Variants in RAD51AP2 observed in about 807,000 individuals in gnomAD.
RAD51AP2 encodes RAD51-associated protein 2.
A neutral mutation model predicts 85.5 loss-of-function variants in RAD51AP2; 67 were observed. The ratio of observed to expected loss-of-function variants is 0.78; its 90% CI spans 0.64 to 0.96. The LOEUF (loss-of-function observed/expected upper bound fraction) is 0.96, where lower values mean the gene tolerates loss of function less well. Ranked by LOEUF, RAD51AP2 falls within the 40% of genes least tolerant of loss-of-function variation. The pLI is 0.00. For missense variants in RAD51AP2, 1,307 were observed against 1,332.4 expected (o/e 0.98, Z 0.30); for synonymous variants, 474 against 446.5 (o/e 1.06, Z -0.78).
the RAD51AP2 span, among the ~76,000 whole-genome samples, chr2:17,525,451 G>A: frequency 1.3e-5 from 2 of 152,002 alleles, no homozygotes; most frequent in Non-Finnish European, 2.9e-5. Flanking sequence ...GCATTAGTGC[G>A]TACTGCAATG....
chr2:17,531,358 T>C, the RAD51AP2 span, among the ~76,000 whole-genome samples: 1 of 152,134 alleles, frequency 6.6e-6, no homozygotes. Context: ...TATTAAATAA[T>C]GTTATTTAGT....
Position 17,517,905 on chromosome 2 carries a change from T to C in RAD51AP2, c.511A>G (p.Arg171Gly), listed in dbSNP as rs1662743505. ...STSIHDIHGIRNENRKQQFVQ... is the reference protein window; with the variant it reads ...STSIHDIHGIGNENRKQQFVQ... ...AACTGTTGTTTTCGATTCTCATTTC[T>C]AATTCCATGTATATCGTGTATAGAG... The change falls in exon 1 of 3, where the codon AGA (arginine) becomes GGA (glycine). Residue 171 changes from arginine (R) to glycine (G), a missense_variant. Arg to Gly is a moderately radical substitution (Grantham distance 125). Around this residue, in one of 3 missense-constraint regions of RAD51AP2, gnomAD observed 635 missense variants for 643.6 expected, o/e 0.99. Transcript: ENST00000399080. 6.2e-7 allele frequency: 1 copy of C among 1,614,198 alleles called. No individual in the cohort carries two copies. Among genetic ancestry groups the C allele is most frequent in the Non-Finnish European group, 8.5e-7 (1 of 1,180,032 alleles).
Position 17,515,266 on chromosome 2 carries a change from C to T in RAD51AP2, c.3150G>A (p.Trp1050Ter). 1.2e-6 allele frequency: 2 copies of T among 1,613,470 alleles called. No individual in the cohort carries two copies. The highest frequency in any genetic ancestry group is 1.7e-6 in the Non-Finnish European group (2 of 1,179,614). The stretch of plus-strand genomic sequence containing the variant: ...GTTCTCCATTATTGGGTACAGTTTT[C>T]CATTTAAATAAACTTTGGTGACTTT... ...MGKSHQSLFK[W>*]KTVPNNGEQE... The change falls in exon 1 of 3, where the codon TGG becomes TGA. Residue 1050 changes from tryptophan (W) to a stop codon, truncating the protein, a stop_gained. Coordinates refer to ENST00000399080, the MANE Select transcript of RAD51AP2 (RefSeq NM_001099218.3). LOFTEE classifies it high-confidence loss of function.
intron 1 of RAD51AP2, 50 bp from the exon 2 acceptor site, chr2:17,514,142 ATATT>A: frequency 1.0e-6 from 1 of 979,668 alleles, no homozygotes; most frequent in Non-Finnish European, 1.6e-6. Flanking sequence ...TTTATATAAA[ATATT>A]AATGGTATAA....
the RAD51AP2 span, among the ~76,000 whole-genome samples, chr2:17,530,482 G>A: frequency 1.3e-5 from 2 of 150,232 alleles, no homozygotes; most frequent in African/African-American, 4.9e-5. Flanking sequence ...TCGGGAGGCT[G>A]AGGTGGGAAG....
the RAD51AP2 span, among the ~76,000 whole-genome samples, chr2:17,535,446 C>T: frequency 3.9e-5 from 6 of 152,024 alleles, no homozygotes; most frequent in Non-Finnish European, 7.4e-5. Context: ...AAGGAAGTGA[C>T]GCGATTTTAC....
chr2:17,515,102 G>T, intron 1 of RAD51AP2, 67 bp downstream of exon 1: 2 of 1,237,248 alleles, frequency 1.6e-6, no homozygotes, highest in Non-Finnish European at 2.2e-6. Flanking sequence ...TTATACATTT[G>T]GCCTACACAG....
upstream of RAD51AP2, among the ~76,000 whole-genome samples, chr2:17,520,590 TA>T (rs1662837503): frequency 6.6e-6 from 1 of 152,112 alleles, no homozygotes; most frequent in South Asian, 2.1e-4. Context: ...TCTGAATGAA[TA>T]AAAGGATTAA....
upstream of RAD51AP2, among the ~76,000 whole-genome samples, chr2:17,522,819 C>T (rs963563288): frequency 5.9e-5 from 9 of 151,594 alleles, no homozygotes; most frequent in Non-Finnish European, 1.2e-4. Context: ...GTAGTTTTTT[C>T]CTGAGTTTAG....
chr2:17,512,338 T>G (rs1662516975), intron 2 of RAD51AP2, among the ~76,000 whole-genome samples: 1 of 152,202 alleles, frequency 6.6e-6, no homozygotes, highest in Non-Finnish European at 1.5e-5. Flanking sequence ...CCCCAGTATC[T>G]TCCAACTTTT....
Position 17,515,309 on chromosome 2 carries a change from G to A in RAD51AP2, c.3107C>T (p.Ala1036Val), listed in dbSNP as rs1162143601. ...GTGACTTTTGCCCATATTAGGACCT[G>A]CTATAGTATCATGGAACGAGGAAGA... Reference protein sequence around the residue: ...RASSSFHDTIAGPNMGKSHQS... With the variant: ...RASSSFHDTIVGPNMGKSHQS... Residue 1036 changes from alanine (A) to valine (V), a missense_variant, in exon 1 of 3, where the codon GCA becomes GTA. Coordinates refer to ENST00000399080, the MANE Select transcript of RAD51AP2 (RefSeq NM_001099218.3). 1.2e-6 allele frequency: 2 copies of A among 1,613,514 alleles called. No homozygotes were observed. The highest frequency in any genetic ancestry group is 1.7e-6 in the Non-Finnish European group (2 of 1,179,772).
chr2:17,533,356 A>T, the RAD51AP2 span, among the ~76,000 whole-genome samples: 1 of 152,196 alleles, frequency 6.6e-6, no homozygotes, highest in Non-Finnish European at 1.5e-5. Context: ...TTTTTACTAA[A>T]ATCAATACCA....
chr2:17,537,038 G>A, the RAD51AP2 span, among the ~76,000 whole-genome samples: 3 of 152,182 alleles, frequency 2.0e-5, no homozygotes. Flanking sequence ...GTCAGAATAG[G>A]ACTGGAAAAG....
At chr2:17,534,216 T>A in the RAD51AP2 span, among the ~76,000 whole-genome samples, 1 of 152,234 alleles carries the variant, frequency 6.6e-6, no homozygotes. Flanking sequence ...ATTAGTGGAA[T>A]ACCCAATACT....
the RAD51AP2 span, among the ~76,000 whole-genome samples, chr2:17,536,473 C>A: frequency 6.6e-6 from 1 of 152,238 alleles, no homozygotes; most frequent in South Asian, 2.1e-4. Flanking sequence ...ATATGTCAGG[C>A]CAAATAGTAG....
At chr2:17,523,185 T>G (rs555765223), upstream of RAD51AP2, among the ~76,000 whole-genome samples, 146 of 151,830 alleles carry the variant, frequency 9.6e-4, no homozygotes, top group African/African-American at 3.0e-3. Context: ...TTTAGAAGAG[T>G]CCTGGGCACC....
chr2:17,516,063 C>T lies in RAD51AP2; in HGVS notation c.2353G>A (p.Asp785Asn). 6.2e-7 allele frequency: 1 copy of T among 1,613,584 alleles called. No homozygotes were observed. Among genetic ancestry groups the T allele is most frequent in the African/African-American group, 1.3e-5 (1 of 75,002 alleles). The change falls in exon 1 of 3, where the codon GAT (aspartate) becomes AAT (asparagine). Residue 785 changes from aspartate (D) to asparagine (N), a missense_variant. Coordinates refer to ENST00000399080, the MANE Select transcript of RAD51AP2 (RefSeq NM_001099218.3). ...SNFDCEHIFE[D>N]LCNVRQQAIP... ...GCCTGTTGCCTAACATTGCAGAGAT[C>T]TTCAAATATGTGCTCACAGTCAAAG... is the stretch of plus-strand genomic sequence containing the variant.
chr2:17,536,344 A>C, the RAD51AP2 span, among the ~76,000 whole-genome samples: 1 of 152,228 alleles, frequency 6.6e-6, no homozygotes, highest in Non-Finnish European at 1.5e-5. Flanking sequence ...ACACCTACAA[A>C]GTCATGAATG....
the RAD51AP2 span, among the ~76,000 whole-genome samples, chr2:17,536,318 C>T: frequency 4.6e-5 from 7 of 152,124 alleles, no homozygotes; most frequent in Admixed American, 4.6e-4. Flanking sequence ...AAAAAGAGTA[C>T]AGCCTAGCAA....
Sources: allele counts gnomAD v4.1 joint callset (sites outside exome capture counted in the v4.1 genomes callset), GRCh38; gene constraint gnomAD v4.1.1; regional missense constraint gnomAD v4.1.1; transcripts MANE v1.5; gene names NCBI Gene and HGNC (gene_info 2026-07-23, HGNC 2026-07-21).